Variants in PTN observed in about 807,000 individuals in gnomAD.
PTN encodes the protein heparin affin regulatory protein.
In PTN, 18 loss-of-function variants were observed where a neutral mutation model predicts 24.1. The observed-to-expected ratio is 0.75, with a 90% confidence interval of 0.52 to 1.11. The LOEUF (loss-of-function observed/expected upper bound fraction) is 1.11. Among genes scored for constraint, PTN ranks in the 50% least tolerant of loss-of-function variants. PTN has a pLI of 0.00. For synonymous variants in PTN, 78 were observed against 68.6 expected (o/e 1.14, Z -0.67); for missense variants, 163 against 198.8 (o/e 0.82, Z 1.08).
chr7:137,301,893 T>C (rs1254417296), intron 1 of PTN, among the ~76,000 whole-genome samples: 3 of 151,988 alleles, frequency 2.0e-5, no homozygotes, highest in African/African-American at 4.8e-5. Flanking sequence ...TCTTTACTCT[T>C]GTGTGTCAAA....
In PTN at chr7:137,309,054, T is replaced by C. The variant is rs531150693; in HGVS notation, c.-2+34385A>G. 2.6e-5 allele frequency among the ~76,000 whole-genome samples: 4 copies of C among 152,268 alleles called. No individual in the cohort carries two copies. The East Asian group carries it at 7.7e-4, about 29-fold the overall frequency. ...TAAAGAGTGAGGGTTAGATACAATTTCTCTGTGACCTGGAGGATTGGAATG... is the reference window on the plus strand; with the variant it reads ...TAAAGAGTGAGGGTTAGATACAATTCCTCTGTGACCTGGAGGATTGGAATG... On this transcript the variant is annotated intron_variant, in intron 1 of 4. Transcript: ENST00000348225.
chr7:137,324,348 G>C (rs1473291479), intron 1 of PTN, among the ~76,000 whole-genome samples: 1 of 147,070 alleles, frequency 6.8e-6, no homozygotes, highest in Non-Finnish European at 1.5e-5. Context: ...TCAAGCTGTA[G>C]TGTGCAATGA....
intron 1 of PTN, among the ~76,000 whole-genome samples, chr7:137,302,983 G>A (rs1225037192): frequency 1.3e-5 from 2 of 151,944 alleles, no homozygotes; most frequent in Admixed American, 6.6e-5. Flanking sequence ...TTTATTCATT[G>A]TATAGTATTT....
intron 1 of PTN, among the ~76,000 whole-genome samples, chr7:137,305,412 C>CT (rs1400024840): frequency 6.6e-6 from 1 of 152,056 alleles, no homozygotes; most frequent in East Asian, 1.9e-4. Context: ...GAAGCTGTTT[C>CT]TATCACCTTT....
intron 1 of PTN, among the ~76,000 whole-genome samples, chr7:137,322,997 A>G (rs1205208254): frequency 6.6e-6 from 1 of 152,226 alleles, no homozygotes; most frequent in East Asian, 1.9e-4. Context: ...AGCAGCATCA[A>G]TGTTTTTACC....
intron 1 of PTN, among the ~76,000 whole-genome samples, chr7:137,289,458 G>A (rs896533860): frequency 1.3e-5 from 2 of 152,132 alleles, no homozygotes; most frequent in African/African-American, 2.4e-5. Context: ...TTGCTGTAAA[G>A]GGATTTCACA....
At chr7:137,319,330 G>C (rs1437090492) in intron 1 of PTN, among the ~76,000 whole-genome samples, 2 of 152,182 alleles carry the variant, frequency 1.3e-5, no homozygotes, top group East Asian at 3.9e-4. Context: ...TGGTAAATGT[G>C]AGATATTACA....
At chr7:137,266,249 A>T (rs375144606) in intron 1 of PTN, among the ~76,000 whole-genome samples, 1 of 152,302 alleles carries the variant, frequency 6.6e-6, no homozygotes. Flanking sequence ...AATTTTCTTT[A>T]CAATTAACGT....
chr7:137,313,735 C>A (rs1810021373), intron 1 of PTN, among the ~76,000 whole-genome samples: 1 of 152,142 alleles, frequency 6.6e-6, no homozygotes, highest in Admixed American at 6.5e-5. Context: ...ATCTGAAAAT[C>A]ATGAGGCAAG....
At chr7:137,302,236 T>A (rs1314394270) in intron 1 of PTN, among the ~76,000 whole-genome samples, 3 of 152,042 alleles carry the variant, frequency 2.0e-5, no homozygotes, top group South Asian at 2.1e-4. Context: ...TGAAACCTAA[T>A]CCTCAGAGAA....
intron 1 of PTN, among the ~76,000 whole-genome samples, chr7:137,284,845 T>A (rs1809529006): frequency 6.6e-6 from 1 of 152,182 alleles, no homozygotes; most frequent in South Asian, 2.1e-4. Flanking sequence ...AAAATTGGAA[T>A]AAATGTGGAA....
chr7:137,276,147 T>A (rs1809355828), intron 1 of PTN, among the ~76,000 whole-genome samples: 1 of 152,194 alleles, frequency 6.6e-6, no homozygotes, highest in Non-Finnish European at 1.5e-5. Context: ...GAAAAACCTG[T>A]CATACAAAGG....
intron 1 of PTN, among the ~76,000 whole-genome samples, chr7:137,309,537 G>C (rs1455040491): frequency 2.0e-5 from 3 of 149,568 alleles, no homozygotes; most frequent in African/African-American, 7.3e-5. Flanking sequence ...ACCCACAGGA[G>C]AACTTCCTTC....
intron 4 of PTN, among the ~76,000 whole-genome samples, chr7:137,238,390 C>T (rs1030478144): frequency 1.3e-5 from 2 of 152,126 alleles, no homozygotes; most frequent in African/African-American, 4.8e-5. Flanking sequence ...CTTTAAAGAA[C>T]CCTAGATTGA....
At chr7:137,276,420 C>G (rs1020871728) in intron 1 of PTN, among the ~76,000 whole-genome samples, 1 of 152,204 alleles carries the variant, frequency 6.6e-6, no homozygotes, top group Non-Finnish European at 1.5e-5. Flanking sequence ...TCTCATCCCT[C>G]TTAGAAGAGG....
In PTN at chr7:137,267,635, A is replaced by G. The variant is rs1342130598; in HGVS notation, c.-1-12661T>C. Among the ~76,000 whole-genome samples the G allele has an allele frequency of 3.3e-5, 5 of 152,276 alleles. No individual in the cohort carries two copies. The East Asian group carries it at 9.7e-4, about 29-fold the overall frequency. ...AAATTCTTTCTTGAAATTTTTCAAC[A>G]TAGTTCCTAGTGGGGTGGGCTTAGT... On this transcript the variant is annotated intron_variant, in intron 1 of 4. Coordinates refer to ENST00000348225, the MANE Select transcript of PTN (RefSeq NM_002825.7).
intron 1 of PTN, among the ~76,000 whole-genome samples, chr7:137,311,989 A>T (rs1271914822): frequency 3.1e-5 from 4 of 128,346 alleles, no homozygotes; most frequent in Admixed American, 7.1e-5. Flanking sequence ...ACAATTAAGC[A>T]AAGCCCAACA....
chr7:137,315,104 G>C (rs1810049078), intron 1 of PTN, among the ~76,000 whole-genome samples: 1 of 152,134 alleles, frequency 6.6e-6, no homozygotes, highest in Non-Finnish European at 1.5e-5. Flanking sequence ...GATTGGTTTG[G>C]CTGTGTTCTC....
chr7:137,266,656 TTC>T (rs910548342), intron 1 of PTN, among the ~76,000 whole-genome samples: 1 of 151,556 alleles, frequency 6.6e-6, no homozygotes, highest in African/African-American at 2.4e-5. Context: ...AAGATAACCA[TTC>T]TGTTTTTTTT....
Sources: gnomAD v4.1 joint callset for allele counts (sites outside exome capture counted in the v4.1 genomes callset) on GRCh38, gnomAD v4.1.1 for gene constraint, MANE v1.5 for transcripts, NCBI Gene and HGNC (gene_info 2026-07-23, HGNC 2026-07-21) for gene names.